MKLN1: variants seen among roughly 807,000 people sequenced by gnomAD.
MKLN1 encodes muskelin 1, also known as muskelin.
A neutral mutation model predicts 99.0 loss-of-function variants in MKLN1; 18 were observed. The observed-to-expected ratio is 0.18, with a 90% CI of 0.13 to 0.27. The LOEUF is 0.27. Ranked by LOEUF, MKLN1 falls within the 10% of genes least tolerant of loss-of-function variation. The pLI, the probability that MKLN1 is intolerant of heterozygous loss-of-function variation, is 1.00. For synonymous variants in MKLN1, 288 were observed against 293.2 expected (o/e 0.98, Z 0.18); for missense variants, 621 against 875.9 (o/e 0.71, Z 3.67).
intron 1 of MKLN1, among the ~76,000 whole-genome samples, chr7:131,372,814 T>TA (rs1045354910): frequency 6.6e-6 from 1 of 151,676 alleles, no homozygotes; most frequent in African/African-American, 2.4e-5. Context: ...CTTTGTAGAC[T>TA]GACTGCCTTG....
intron 1 of MKLN1, among the ~76,000 whole-genome samples, chr7:131,334,974 G>T (rs904303865): frequency 2.6e-5 from 4 of 152,108 alleles, no homozygotes; most frequent in South Asian, 2.1e-4. Flanking sequence ...GGTCTTTATA[G>T]GTTCAATCTT....
At chr7:131,285,493 T>C (rs2116588034) in intron 3 of MKLN1, among the ~76,000 whole-genome samples, 1 of 152,346 alleles carries the variant, frequency 6.6e-6, no homozygotes, top group South Asian at 2.1e-4. Context: ...TATTATCAGA[T>C]GGATGTGAGG....
At chr7:131,319,432 T>C (rs1005421636) in intron 3 of MKLN1, among the ~76,000 whole-genome samples, 6 of 152,166 alleles carry the variant, frequency 3.9e-5, no homozygotes, top group Non-Finnish European at 8.8e-5. Flanking sequence ...TAGGTATTGA[T>C]AGAACATATC....
intron 3 of MKLN1, 90 bp downstream of exon 3, chr7:131,387,352 TTTCAAAGGAGAAAAGAGTATTCC>T: frequency 7.9e-7 from 1 of 1,259,598 alleles, no homozygotes; most frequent in Non-Finnish European, 1.1e-6. Context: ...TTGATTTTTC[TTTCAAAGGAGAAAAGAGTATTCC>T]TTCTATTCTA....
chr7:131,167,501 T>TG lies in MKLN1; in HGVS notation c.-297+24561dup, dbSNP rs1796143480. On this transcript the variant is annotated intron_variant, in intron 2 of 7. Coordinates refer to the MKLN1 transcript ENST00000416992. ...AGCCTAGGGCAACATGGTGAGACTC[T>TG]GTCTCTATAAAATATAAAAAATTAA... 3.9e-5 allele frequency among the ~76,000 whole-genome samples: 6 copies of TG among 152,024 alleles called. No homozygotes were observed. In the South Asian group the frequency reaches 1.2e-3, roughly 32 times the overall value.
At chr7:131,372,782 A>C (rs1012172674) in intron 1 of MKLN1, among the ~76,000 whole-genome samples, 1 of 148,944 alleles carries the variant, frequency 6.7e-6, no homozygotes, top group African/African-American at 2.5e-5. Flanking sequence ...AGGCTTTAGC[A>C]TATGGTGATT....
At chr7:131,112,225 G>A (rs569262210) in intron 1 of MKLN1, among the ~76,000 whole-genome samples, 3 of 152,196 alleles carry the variant, frequency 2.0e-5, no homozygotes, top group East Asian at 1.9e-4. Flanking sequence ...CAGTTTCTTC[G>A]TGGAAGCTTA....
intron 1 of MKLN1, among the ~76,000 whole-genome samples, chr7:131,342,581 GT>G (rs917710037): frequency 6.6e-6 from 1 of 152,134 alleles, no homozygotes; most frequent in Non-Finnish European, 1.5e-5. Context: ...AAGAAGACAG[GT>G]TTTTTAAAAA....
intron 3 of MKLN1, among the ~76,000 whole-genome samples, chr7:131,304,742 C>A (rs1798429730): frequency 6.6e-6 from 1 of 152,158 alleles, no homozygotes; most frequent in Non-Finnish European, 1.5e-5. Flanking sequence ...TTTAACCAAT[C>A]ACATAGAGAG....
At chr7:131,325,668 TC>T (rs1010487337), upstream of MKLN1, among the ~76,000 whole-genome samples, 2 of 150,912 alleles carry the variant, frequency 1.3e-5, no homozygotes, top group Admixed American at 1.3e-4. Flanking sequence ...CTGCACTCCA[TC>T]CTGGGTGACA....
chr7:131,438,109 A>G (rs1362517904), intron 10 of MKLN1, 112 bp downstream of exon 10: 5 of 770,740 alleles, frequency 6.5e-6, no homozygotes, highest in Non-Finnish European at 1.1e-5. Context: ...TTCCATGACA[A>G]ATATCTATTG....
intron 4 of MKLN1, among the ~76,000 whole-genome samples, chr7:131,396,490 G>T (rs1433091965): frequency 6.6e-6 from 1 of 152,092 alleles, no homozygotes; most frequent in South Asian, 2.1e-4. Flanking sequence ...AAATAGTAGA[G>T]ATATTGGACA....
chr7:131,146,726 G>A (rs1382104705), intron 2 of MKLN1, among the ~76,000 whole-genome samples: 1 of 152,240 alleles, frequency 6.6e-6, no homozygotes, highest in Non-Finnish European at 1.5e-5. Context: ...AGGACCCTCA[G>A]CAAAAGTGAT....
At chr7:131,416,979 CA>C (rs374145180) in intron 8 of MKLN1, among the ~76,000 whole-genome samples, 1,849 of 49,552 alleles carry the variant, frequency 0.037, 4 homozygotes, top group African/African-American at 0.06. Flanking sequence ...GCAACCCTGT[CA>C]AAAAAAAAAA....
chr7:131,311,387 TA>T (rs969938953), intron 3 of MKLN1, among the ~76,000 whole-genome samples: 1 of 152,160 alleles, frequency 6.6e-6, no homozygotes, highest in African/African-American at 2.4e-5. Context: ...CAGTTTAACA[TA>T]ATAATCATAA....
At chr7:131,327,830 C>T, upstream of MKLN1, 2 of 1,574,414 alleles carry the variant, frequency 1.3e-6, no homozygotes, top group Non-Finnish European at 1.7e-6. Flanking sequence ...CCTTTAAGAG[C>T]AGGCCACGCC....
chr7:131,240,879 T>C (rs1212908248), intron 3 of MKLN1, among the ~76,000 whole-genome samples: 1 of 152,236 alleles, frequency 6.6e-6, no homozygotes, highest in Admixed American at 6.5e-5. Context: ...AATGTGTATA[T>C]ACCTTACAGA....
At chr7:131,114,001 G>T (rs1222232228) in intron 1 of MKLN1, among the ~76,000 whole-genome samples, 2 of 152,158 alleles carry the variant, frequency 1.3e-5, no homozygotes, top group African/African-American at 4.8e-5. Flanking sequence ...CTCAGCACGT[G>T]GGGCTAACAG....
intron 12 of MKLN1, among the ~76,000 whole-genome samples, chr7:131,460,556 T>C (rs1162271899): frequency 6.6e-6 from 1 of 152,242 alleles, no homozygotes; most frequent in African/African-American, 2.4e-5. Flanking sequence ...GCTCTCATTC[T>C]TATTTACGCC....
Sources: allele counts gnomAD v4.1 joint callset (sites outside exome capture counted in the v4.1 genomes callset), GRCh38; gene constraint gnomAD v4.1.1; transcripts MANE v1.5; gene names NCBI Gene and HGNC (gene_info 2026-07-23, HGNC 2026-07-21).